The following SLC12A5 variants were observed in gnomAD, a reference collection of about 807,000 sequenced individuals.
The protein encoded by SLC12A5 is solute carrier family 12 member 5.
SLC12A5 carries 18 observed loss-of-function variants against 124.0 expected under a neutral mutation model. That is an observed-to-expected ratio of 0.15 (90% CI 0.10 to 0.22). The LOEUF (loss-of-function observed/expected upper bound fraction) is 0.22. Among genes scored for constraint, SLC12A5 ranks in the 10% least tolerant of loss-of-function variants. The probability of loss-of-function intolerance (pLI) is 1.00; values close to 1 mark genes in which losing one functional copy is unlikely to be tolerated. For synonymous variants in SLC12A5, 589 were observed against 568.0 expected, an observed-to-expected ratio of 1.04 and a Z score of -0.53; for missense variants, 867 against 1,478.7, an observed-to-expected ratio of 0.59 and a Z score of 6.78.
At chr20:46,026,201 C>T (rs555809667), upstream of SLC12A5, among the ~76,000 whole-genome samples, 3 of 152,354 alleles carry the variant, frequency 2.0e-5, no homozygotes, top group East Asian at 5.8e-4. Context: ...ACTCAGGAGG[C>T]AGCTTCTCTG....
chr20:46,056,066 G>A lies in SLC12A5; in HGVS notation c.2788-84G>A. The A allele has an allele frequency of 6.4e-7, 1 of 1,567,238 alleles. No individual in the cohort carries two copies. Among genetic ancestry groups the A allele is most frequent in the Non-Finnish European group, 8.7e-7 (1 of 1,154,192 alleles). On this transcript the variant is annotated intron_variant, in intron 21 of 25. Transcript: ENST00000243964. This position sits in a 1 kb window ranked among gnomAD's most constrained non-coding sequence, Gnocchi z 4.3. ...CAGTTCCAGAAAGTGCATCCTGGCT[G>A]AACATCATCTCTGGTGATAGCTCTT...
intron 14 of SLC12A5, among the ~76,000 whole-genome samples, chr20:46,046,971 A>G (rs1056930041): frequency 2.0e-5 from 3 of 152,208 alleles, no homozygotes; most frequent in African/African-American, 7.2e-5. Flanking sequence ...AGCAGAAATG[A>G]TCATGCTTGT....
chr20:46,036,663 G>A, intron 4 of SLC12A5, 78 bp from the exon 5 acceptor site: 1 of 1,505,416 alleles, frequency 6.6e-7, no homozygotes, highest in Non-Finnish European at 9.2e-7. Flanking sequence ...GGTGTTTATG[G>A]GGTATAAGGC....
intron 16 of SLC12A5, 150 bp from the exon 17 acceptor site, chr20:46,049,472 G>A: frequency 1.0e-6 from 1 of 970,578 alleles, no homozygotes; most frequent in South Asian, 1.7e-5. Flanking sequence ...TGGGTTGATG[G>A]GTAGATGAAT....
chr20:46,033,449 C>G lies in SLC12A5; in HGVS notation c.53-1499C>G, dbSNP rs1438465632. On this transcript the variant is annotated intron_variant, in intron 1 of 25. Coordinates refer to ENST00000243964, the MANE Select transcript of SLC12A5 (RefSeq NM_020708.5). ...ATATCTTTCTGAAGGGACCTTCCCC[C>G]CTGGTGCCCAAGATACTTTCTCCTC... Among the ~76,000 whole-genome samples the G allele has an allele frequency of 2.6e-5, 4 of 151,702 alleles. No individual in the cohort carries two copies. In the East Asian group the frequency reaches 7.7e-4, roughly 29 times the overall value.
chr20:46,040,654 A>T (rs759766378), intron 7 of SLC12A5, 40 bp downstream of exon 7: 1 of 1,602,708 alleles, frequency 6.2e-7, no homozygotes, highest in African/African-American at 1.3e-5. Flanking sequence ...TCGTCCTCCT[A>T]CCTCCCTGGC....
At position 46,049,573 on chromosome 20, in the gene SLC12A5, A is replaced by G. The variant is rs761999248; in HGVS notation, c.2013-49A>G. ...CTGGTGGTGGGTGTATGGTGTGTGGATGGTTGGTTACATGGTATATGGATT... is the reference window on the plus strand; with the variant it reads ...CTGGTGGTGGGTGTATGGTGTGTGGGTGGTTGGTTACATGGTATATGGATT... On this transcript the variant is annotated intron_variant, in intron 16 of 25. Coordinates refer to ENST00000243964, the MANE Select transcript of SLC12A5 (RefSeq NM_020708.5). The G allele has an allele frequency of 3.2e-6, 5 of 1,562,384 alleles. No homozygotes were observed. The South Asian group carries it at 4.7e-5, about 15-fold the overall frequency.
Position 46,058,433 on chromosome 20 carries a change from T to C in SLC12A5, c.*828T>C. Reference sequence around the variant, plus strand: ...ATGAGGTGAGACAAGGGTCCAACTTTTCCTGGATTCGCCTCCCAGCGGACG... The same window carrying C: ...ATGAGGTGAGACAAGGGTCCAACTTCTCCTGGATTCGCCTCCCAGCGGACG... On this transcript the variant is annotated 3_prime_UTR_variant, in exon 26 of 26. Transcript: ENST00000243964. This position sits in a 1 kb window ranked among gnomAD's most constrained non-coding sequence, Gnocchi z 5.8. 2.5e-6 allele frequency: 1 copy of C among 399,018 alleles called. No homozygotes were observed. The highest frequency in any genetic ancestry group is 4.4e-6 in the Non-Finnish European group (1 of 226,080). The allele number at this position is 399,018 out of a possible 1,614,324, so 24.7% of individuals were successfully genotyped here.
In SLC12A5 at chr20:46,057,829, G is replaced by A; in HGVS notation, c.*224G>A. 1 of 486,898 alleles carries A rather than the reference G, an allele frequency of 2.1e-6. No individual in the cohort carries two copies. Among genetic ancestry groups the A allele is most frequent in the South Asian group, 3.5e-5 (1 of 28,904 alleles). 30.2% of individuals were successfully genotyped at this position (486,898 alleles called of 1,614,324 possible). On this transcript the variant is annotated 3_prime_UTR_variant, in exon 26 of 26. Transcript: ENST00000243964. This position sits in a 1 kb window ranked among gnomAD's most constrained non-coding sequence, Gnocchi z 7.1. ...TCCTCAGTGCCAGTTTGGCCCCTGGGTCTTCGCTGCCCTTTTTCTAAGCCC... is the reference window on the plus strand; with the variant it reads ...TCCTCAGTGCCAGTTTGGCCCCTGGATCTTCGCTGCCCTTTTTCTAAGCCC...
chr20:46,041,003 T>G (rs538977836), intron 7 of SLC12A5: 1 of 394,934 alleles, frequency 2.5e-6, no homozygotes, highest in East Asian at 5.7e-5. Flanking sequence ...GACACAGAAG[T>G]CTACAGGGTC....
intron 17 of SLC12A5, 24 bp from the exon 18 acceptor site, chr20:46,051,651 C>T: frequency 1.3e-6 from 2 of 1,594,110 alleles, no homozygotes; most frequent in Non-Finnish European, 1.7e-6. Context: ...TGAGGCTGGT[C>T]CTTGTCTTTT....
Position 46,056,158 on chromosome 20 carries a change from T to C in SLC12A5, c.2796T>C (p.Ser932=), listed in dbSNP as rs774108374. ...CCTATGTCACTCCCTAGATCCAGAG[T>C]ATCACAGATGAGTCACGAGGCTCAA... ...TKNEREREIQ[S]ITDESRGSIR... The change falls in exon 22 of 26, where the codon AGT becomes AGC. Residue 932 remains serine (S), a synonymous_variant. Coordinates refer to ENST00000243964, the MANE Select transcript of SLC12A5 (RefSeq NM_020708.5). This position sits in a 1 kb window ranked among gnomAD's most constrained non-coding sequence, Gnocchi z 4.3. 6.2e-7 allele frequency: 1 copy of C among 1,613,844 alleles called. No individual in the cohort carries two copies. Among genetic ancestry groups the C allele is most frequent in the Non-Finnish European group, 8.5e-7 (1 of 1,179,976 alleles).
At chr20:46,040,289 T>A in intron 6 of SLC12A5, 84 bp from the exon 7 acceptor site, 1 of 1,567,202 alleles carries the variant, frequency 6.4e-7, no homozygotes, top group Non-Finnish European at 8.6e-7. Flanking sequence ...TGTGCTGTGA[T>A]GAGCATCTTT....
At position 46,057,398 on chromosome 20, in the gene SLC12A5, C is replaced by G. The variant is rs2084706182; in HGVS notation, c.3259+95C>G. ...TGGAAGAGCTGAGCTGTTCCTGCCT[C>G]CGGATCAGCACCTCGGACAGGGACA... On this transcript the variant is annotated intron_variant, in intron 25 of 25. Transcript: ENST00000243964. The surrounding 1 kb of genome is among the most constrained non-coding windows in gnomAD (Gnocchi z 7.1). 1.9e-6 allele frequency: 3 copies of G among 1,606,670 alleles called. No individual in the cohort carries two copies. The East Asian group carries it at 6.7e-5, about 36-fold the overall frequency.
chr20:46,038,607 T>C (rs1466698582), intron 6 of SLC12A5, among the ~76,000 whole-genome samples: 3 of 152,218 alleles, frequency 2.0e-5, no homozygotes, highest in African/African-American at 7.2e-5. Context: ...TGCAGCTTCA[T>C]TGATGAAAAT....
In SLC12A5 at chr20:46,059,056, G is replaced by A. The variant is rs1319965795; in HGVS notation, c.*1451G>A. 1 of 276,734 alleles carries A rather than the reference G, an allele frequency of 3.6e-6. No individual in the cohort carries two copies. Among genetic ancestry groups the A allele is most frequent in the Non-Finnish European group, 6.7e-6 (1 of 149,726 alleles). 17.1% of individuals were successfully genotyped at this position (276,734 alleles called of 1,614,324 possible). A position where few individuals can be genotyped will look rare whatever the true frequency, so the allele number is the denominator to read the frequency against. Reference sequence around the variant, plus strand: ...CCCTTCCGCTCCACCAGCCTGGTCTGAGGCGTGCTCTGTCCTTAGAGAAGG... The same window carrying A: ...CCCTTCCGCTCCACCAGCCTGGTCTAAGGCGTGCTCTGTCCTTAGAGAAGG... On this transcript the variant is annotated 3_prime_UTR_variant, in exon 26 of 26. Coordinates refer to ENST00000243964, the MANE Select transcript of SLC12A5 (RefSeq NM_020708.5).
At position 46,059,271 on chromosome 20, in the gene SLC12A5, T is replaced by C; in HGVS notation, c.*1666T>C. ...GAGTAATCCGGACCTCACCACCTCT[T>C]TTCCTTTGAGCCCAAGGCAGAGCTG... On this transcript the variant is annotated 3_prime_UTR_variant, in exon 26 of 26. Coordinates refer to ENST00000243964, the MANE Select transcript of SLC12A5 (RefSeq NM_020708.5). 1 of 305,208 alleles carries C rather than the reference T, an allele frequency of 3.3e-6. No homozygotes were observed. Among genetic ancestry groups the C allele is most frequent in the Non-Finnish European group, 6.0e-6 (1 of 167,594 alleles). The allele number at this position is 305,208 out of a possible 1,614,324, so 18.9% of individuals were successfully genotyped here. A position where few individuals can be genotyped will look rare whatever the true frequency, so the allele number is the denominator to read the frequency against.
chr20:46,021,965 G>T, intron 1 of SLC12A5: 9 of 1,396,088 alleles, frequency 6.4e-6, no homozygotes, highest in Non-Finnish European at 7.4e-6. Context: ...TCTGTTGAAG[G>T]GGGCAGGGCC....
chr20:46,039,504 G>A (rs879752020), intron 6 of SLC12A5, among the ~76,000 whole-genome samples: 1 of 152,230 alleles, frequency 6.6e-6, no homozygotes, highest in African/African-American at 2.4e-5. Flanking sequence ...GCCGGGCACA[G>A]TGGCTCATGC....
Sources: allele counts gnomAD v4.1 joint callset (sites outside exome capture counted in the v4.1 genomes callset), GRCh38; gene constraint gnomAD v4.1.1; non-coding constraint Gnocchi (gnomAD v3.1); transcripts MANE v1.5; gene names NCBI Gene and HGNC (gene_info 2026-07-23, HGNC 2026-07-21).